Variants in BLM observed in about 807,000 individuals in gnomAD.
The protein encoded by BLM is BLM RecQ like helicase.
A neutral mutation model predicts 135.3 loss-of-function variants in BLM; 95 were observed. The ratio of observed to expected loss-of-function variants is 0.70; its 90% CI spans 0.59 to 0.83. BLM has a LOEUF of 0.83. Ranked by LOEUF, BLM falls within the 40% of genes least tolerant of loss-of-function variation. The pLI, the probability that BLM is intolerant of heterozygous loss-of-function variation, is 0.00. For synonymous variants in BLM, 520 were observed against 589.2 expected (o/e 0.88, Z 1.70); for missense variants, 1,518 against 1,663.9 (o/e 0.91, Z 1.53).
intron 1 of BLM, among the ~76,000 whole-genome samples, chr15:90,740,004 A>AT (rs1895322878): frequency 6.6e-6 from 1 of 152,014 alleles, no homozygotes; most frequent in African/African-American, 2.4e-5. Context: ...GGCTCAAGCG[A>AT]TCCCCCCGCC....
chr15:90,731,388 A>G (rs1199878397), intron 1 of BLM, among the ~76,000 whole-genome samples: 2 of 152,188 alleles, frequency 1.3e-5, no homozygotes, highest in African/African-American at 2.4e-5. Context: ...TGCTAGCCTC[A>G]CAGAATGAGC....
At chr15:90,751,760 C>G (rs1293381568) in intron 3 of BLM, 27 bp from the exon 4 acceptor site, 2 of 1,594,708 alleles carry the variant, frequency 1.3e-6, no homozygotes, top group Non-Finnish European at 1.7e-6. Flanking sequence ...GTTAACAAAT[C>G]TATGTTTATC....
rs1361215863 is a variant in BLM, at chr15:90,717,449, C to T, written c.-5+9C>T. On this transcript the variant is annotated intron_variant, in intron 1 of 21. Coordinates refer to ENST00000355112, the MANE Select transcript of BLM (RefSeq NM_000057.4). ...AGGAGTCTGCGTGCGAGGTGAGTAC[C>T]GCGCGCGTAACTACGGGTCGGTCCG... 1.3e-5 allele frequency: 2 copies of T among 152,250 alleles called. No individual in the cohort carries two copies. The highest frequency in any genetic ancestry group is 3.9e-4 in the East Asian group (2 of 5,194). 9.4% of individuals were successfully genotyped at this position (152,250 alleles called of 1,614,324 possible). A position where few individuals can be genotyped will look rare whatever the true frequency, so the allele number is the denominator to read the frequency against.
chr15:90,729,907 G>T (rs191104442), intron 1 of BLM, among the ~76,000 whole-genome samples: 18 of 152,230 alleles, frequency 1.2e-4, no homozygotes, highest in Admixed American at 2.6e-4. Context: ...GTGCAGTGGC[G>T]TGATCTCGGC....
chr15:90,804,259 A>G lies in BLM; in HGVS notation c.3651A>G (p.Lys1217=), dbSNP rs587779887. ...KVSQREEMVK[K]CLGELTEVCK... is the part of the protein sequence containing the mutation. ...CTCAGAGGGAAGAGATGGTTAAAAA[A>G]TGTCTTGGAGAACTTACAGAAGTCT... The change falls in exon 19 of 22, where the codon AAA becomes AAG. Residue 1217 remains lysine, a synonymous_variant. Coordinates refer to ENST00000355112, the MANE Select transcript of BLM (RefSeq NM_000057.4). 2.5e-6 allele frequency: 4 copies of G among 1,614,148 alleles called. No homozygotes were observed. The South Asian group carries it at 4.4e-5, about 18-fold the overall frequency.
rs1596250616 is a variant in BLM at position 90,783,075 on chromosome 15, T to C, written c.2662+147T>C. 1.2e-5 allele frequency: 8 copies of C among 657,634 alleles called. No homozygotes were observed. In the East Asian group the frequency reaches 2.2e-4, roughly 18 times the overall value. The allele number at this position is 657,634 out of a possible 1,614,324, so 40.7% of individuals were successfully genotyped here. A position where few individuals can be genotyped will look rare whatever the true frequency, so the allele number is the denominator to read the frequency against. On this transcript the variant is annotated intron_variant, in intron 13 of 21. Transcript: ENST00000355112. ...TTTATAGAGCAGACTATTGCAACTC[T>C]CTCAATTCTGGAAATTATAAAATCT...
chr15:90,747,424 A>G lies in BLM; in HGVS notation c.32A>G (p.Glu11Gly). 1 of 1,611,744 alleles carries G rather than the reference A, an allele frequency of 6.2e-7. No individual in the cohort carries two copies. Among genetic ancestry groups the G allele is most frequent in the Non-Finnish European group, 8.5e-7 (1 of 1,178,744 alleles). Reference protein sequence around the residue: MAAVPQNNLQEQLERHSARTL... With the variant: MAAVPQNNLQGQLERHSARTL... ...GCTGTTCCTCAAAATAATCTACAGGAGCAACTAGAACGTCACTCAGCCAGA... is the reference window on the plus strand; with the variant it reads ...GCTGTTCCTCAAAATAATCTACAGGGGCAACTAGAACGTCACTCAGCCAGA... Residue 11 changes from glutamate (E) to glycine (G), a missense_variant, in exon 2 of 22, where the codon GAG (glutamate) becomes GGG (glycine). By Grantham distance (98) the Glu-to-Gly change is moderately conservative (BLOSUM62 -2). Coordinates refer to ENST00000355112, the MANE Select transcript of BLM (RefSeq NM_000057.4).
chr15:90,750,765 C>A (rs1355356575), intron 3 of BLM, among the ~76,000 whole-genome samples: 1 of 152,224 alleles, frequency 6.6e-6, no homozygotes, highest in East Asian at 1.9e-4. Context: ...TGTGCTATTT[C>A]ATTAGTTGTT....
intron 21 of BLM, among the ~76,000 whole-genome samples, chr15:90,813,069 C>T (rs901579500): frequency 9.2e-5 from 14 of 152,152 alleles, no homozygotes; most frequent in Non-Finnish European, 1.5e-5. Context: ...GAGGGCTTAT[C>T]GGAGGACAAC....
chr15:90,792,760 C>T (rs994822000), intron 15 of BLM, among the ~76,000 whole-genome samples: 1 of 152,102 alleles, frequency 6.6e-6, no homozygotes, highest in African/African-American at 2.4e-5. Context: ...CCTTTGCTTT[C>T]CTCATTTTAC....
intron 18 of BLM, 74 bp from the exon 19 acceptor site, chr15:90,804,093 G>A: frequency 7.2e-7 from 1 of 1,383,518 alleles, no homozygotes; most frequent in Non-Finnish European, 1.0e-6. Flanking sequence ...ATGCAATTAA[G>A]CATTAAATAA....
chr15:90,759,916 A>T, intron 5 of BLM: 2 of 182,584 alleles, frequency 1.1e-5, no homozygotes, highest in Middle Eastern at 1.9e-3. Flanking sequence ...CCCACTTTAA[A>T]AAAAAAAAAA....
At position 90,751,792 on chromosome 15, in the gene BLM, A is replaced by G. The variant is rs141411463; in HGVS notation, c.805A>G (p.Ser269Gly). ...TATCAACTGTTTTACTGTAGATAAT[A>G]GCGAAAAGAAGAAGAATTTGGAAGA... ...KTHLEDERDN[S>G]EKKKNLEEAE... The change falls in exon 4 of 22, where the codon AGC becomes GGC. Residue 269 changes from serine to glycine, a missense_variant. Transcript: ENST00000355112. 1.9e-6 allele frequency: 3 copies of G among 1,611,238 alleles called. No homozygotes were observed. The highest frequency in any genetic ancestry group is 2.5e-6 in the Non-Finnish European group (3 of 1,177,606).
chr15:90,760,052 A>G, intron 5 of BLM, 95 bp from the exon 6 acceptor site: 4 of 1,301,480 alleles, frequency 3.1e-6, no homozygotes, highest in Non-Finnish European at 4.3e-6. Context: ...GGCCTCCCCA[A>G]AGGGCTGGGA....
chr15:90,781,620 C>T (rs952712887), intron 12 of BLM, among the ~76,000 whole-genome samples: 11 of 151,998 alleles, frequency 7.2e-5, no homozygotes, highest in African/African-American at 2.7e-4. Flanking sequence ...GCGCGAGACT[C>T]CCTCTCAAAA....
At chr15:90,763,359 A>AT (rs906060525) in intron 8 of BLM, among the ~76,000 whole-genome samples, 2 of 152,100 alleles carry the variant, frequency 1.3e-5, no homozygotes, top group African/African-American at 4.8e-5. Flanking sequence ...GCCCTGTAAG[A>AT]TTTTCAACTC....
chr15:90,754,612 A>G (rs909063063), intron 4 of BLM, among the ~76,000 whole-genome samples, 199 bp from the exon 5 acceptor site: 1 of 152,242 alleles, frequency 6.6e-6, no homozygotes, highest in African/African-American at 2.4e-5. Context: ...AATCGGAGAT[A>G]ATGTTGAAAA....
intron 4 of BLM, among the ~76,000 whole-genome samples, chr15:90,753,280 A>G (rs1308698023): frequency 2.0e-5 from 3 of 152,178 alleles, no homozygotes; most frequent in Non-Finnish European, 4.4e-5. Flanking sequence ...AAGGAATACT[A>G]GTAGTCCCAC....
Position 90,749,461 on chromosome 15 carries a change from G to A in BLM, c.193G>A (p.Val65Ile), listed in dbSNP as rs1895603124. Residue 65 changes from valine to isoleucine, a missense_variant, in exon 3 of 22, where the codon GTT (valine) becomes ATT (isoleucine). By Grantham distance (29) the Val-to-Ile change is conservative. Transcript: ENST00000355112. ...AACACCTGTATTAAGAAATAAAGAT[G>A]TTAATGTTACCGAAGACTTTTCCTT... Reference protein sequence around the residue: ...AKTPVLRNKDVNVTEDFSFSE... With the variant: ...AKTPVLRNKDINVTEDFSFSE... 2 of 1,612,656 alleles carry A rather than the reference G, an allele frequency of 1.2e-6. No homozygotes were observed. The highest frequency in any genetic ancestry group is 1.7e-6 in the Non-Finnish European group (2 of 1,178,652).
Sources: allele counts gnomAD v4.1 joint callset (sites outside exome capture counted in the v4.1 genomes callset), GRCh38; gene constraint gnomAD v4.1.1; transcripts MANE v1.5; gene names NCBI Gene and HGNC (gene_info 2026-07-23, HGNC 2026-07-21).